The following NHLRC2 variants were observed in gnomAD, a reference collection of about 807,000 sequenced individuals.
NHLRC2 encodes NHL repeat-containing protein 2.
In NHLRC2, 33 loss-of-function variants were observed where a neutral mutation model predicts 68.1. That is an observed-to-expected ratio of 0.48 (90% CI 0.37 to 0.65). The LOEUF is 0.65. NHLRC2 is among the 30% of genes least tolerant of loss of function. The pLI, the probability that NHLRC2 is intolerant of heterozygous loss-of-function variation, is 0.00. For synonymous variants in NHLRC2, 311 were observed against 309.6 expected, an observed-to-expected ratio of 1.00 and a Z score of -0.05; for missense variants, 761 against 853.8, an observed-to-expected ratio of 0.89 and a Z score of 1.35.
chr10:113,900,461 G>A (rs986525845), intron 6 of NHLRC2, among the ~76,000 whole-genome samples: 5 of 152,166 alleles, frequency 3.3e-5, no homozygotes, highest in Non-Finnish European at 5.9e-5. Context: ...CATAAGTAGA[G>A]TTGTCACTCT....
At chr10:113,877,148 C>T (rs1182462361) in intron 3 of NHLRC2, among the ~76,000 whole-genome samples, 172 bp downstream of exon 3, 1 of 151,772 alleles carries the variant, frequency 6.6e-6, no homozygotes, top group African/African-American at 2.4e-5. Context: ...TCTGAATTAA[C>T]CTCTTCTCAC....
intron 4 of NHLRC2, among the ~76,000 whole-genome samples, chr10:113,881,060 G>C (rs1318144901): frequency 6.6e-6 from 1 of 151,746 alleles, no homozygotes; most frequent in Admixed American, 6.6e-5. Flanking sequence ...GTATATTTTA[G>C]GGAAAAGTGG....
intron 5 of NHLRC2, among the ~76,000 whole-genome samples, chr10:113,886,608 A>G (rs1448202671): frequency 6.6e-6 from 1 of 152,364 alleles, no homozygotes; most frequent in Non-Finnish European, 1.5e-5. Flanking sequence ...ATTTTCAACA[A>G]AAGTGCCAAG....
chr10:113,897,885 T>C (rs1846190097), intron 5 of NHLRC2, among the ~76,000 whole-genome samples: 1 of 152,270 alleles, frequency 6.6e-6, no homozygotes, highest in Non-Finnish European at 1.5e-5. Context: ...AAGAATACTT[T>C]GGATTCCTGT....
chr10:113,873,910 C>G (rs1294020031), intron 2 of NHLRC2, among the ~76,000 whole-genome samples: 1 of 152,072 alleles, frequency 6.6e-6, no homozygotes, highest in East Asian at 1.9e-4. Flanking sequence ...TACTTTTAGT[C>G]TTTCTGATTC....
chr10:113,892,280 A>T (rs1036266159), intron 5 of NHLRC2, among the ~76,000 whole-genome samples: 2 of 152,158 alleles, frequency 1.3e-5, no homozygotes, highest in Admixed American at 6.5e-5. Context: ...ATCTCTACTG[A>T]TAATTATGAG....
chr10:113,875,679 G>A (rs924231299), intron 2 of NHLRC2, among the ~76,000 whole-genome samples: 3 of 152,166 alleles, frequency 2.0e-5, no homozygotes, highest in Non-Finnish European at 4.4e-5. Context: ...TCTTCAAGCA[G>A]GGTGTGTCTT....
chr10:113,886,645 G>A (rs368182165), intron 5 of NHLRC2, among the ~76,000 whole-genome samples: 3 of 152,132 alleles, frequency 2.0e-5, no homozygotes. Flanking sequence ...AGGACAATTC[G>A]TTCCATAAAT....
rs1442705962 is a variant in NHLRC2, at chr10:113,876,957, A to C, written c.768A>C (p.Gln256His). ...TTTTGGTCGTTTGGAAGAATGGACAAATTCAATATAGCATTGGAGGTAAAA... is the reference window on the plus strand; with the variant it reads ...TTTTGGTCGTTTGGAAGAATGGACACATTCAATATAGCATTGGAGGTAAAA... ...HRILVVWKNG[Q>H]IQYSIGGPNP... The change falls in exon 3 of 11, where the codon CAA (glutamine) becomes CAC (histidine). Residue 256 changes from glutamine to histidine, a missense_variant. Gln to His is a conservative substitution (Grantham distance 24). Transcript: ENST00000369301. 1 of 1,594,280 alleles carries C rather than the reference A, an allele frequency of 6.3e-7. No individual in the cohort carries two copies. Among genetic ancestry groups the C allele is most frequent in the African/African-American group, 1.3e-5 (1 of 74,136 alleles).
chr10:113,865,915 C>G (rs927504576), intron 2 of NHLRC2, among the ~76,000 whole-genome samples: 11 of 152,120 alleles, frequency 7.2e-5, no homozygotes, highest in African/African-American at 2.7e-4. Context: ...ATATCTTCTC[C>G]CATTACTATT....
chr10:113,896,202 A>T (rs1334766399), intron 5 of NHLRC2, among the ~76,000 whole-genome samples: 1 of 152,112 alleles, frequency 6.6e-6, no homozygotes, highest in East Asian at 1.9e-4. Flanking sequence ...TGCTACTATA[A>T]AGACACATGC....
chr10:113,873,014 T>C (rs1167438979), intron 2 of NHLRC2, among the ~76,000 whole-genome samples: 1 of 152,134 alleles, frequency 6.6e-6, no homozygotes, highest in Non-Finnish European at 1.5e-5. Flanking sequence ...CTAGTAAAAT[T>C]ATTATACTTT....
At chr10:113,885,699 G>T (rs908120709) in intron 5 of NHLRC2, among the ~76,000 whole-genome samples, 4 of 151,948 alleles carry the variant, frequency 2.6e-5, no homozygotes, top group African/African-American at 9.7e-5. Flanking sequence ...GATATTTTGA[G>T]TGATAAAAGA....
chr10:113,904,269 G>C (rs1846254390), intron 9 of NHLRC2, among the ~76,000 whole-genome samples: 1 of 151,878 alleles, frequency 6.6e-6, no homozygotes, highest in African/African-American at 2.4e-5. Flanking sequence ...TAAAGATATG[G>C]ACGTGGTTTC....
chr10:113,862,169 G>A (rs895394933), intron 2 of NHLRC2, among the ~76,000 whole-genome samples: 6 of 152,078 alleles, frequency 3.9e-5, no homozygotes, highest in African/African-American at 1.4e-4. Context: ...ATGAGCCACC[G>A]AGCCCGGCCT....
chr10:113,856,391 A>C (rs1234507039), intron 1 of NHLRC2, among the ~76,000 whole-genome samples: 5 of 152,198 alleles, frequency 3.3e-5, no homozygotes, highest in Admixed American at 6.5e-5. Context: ...ACTCACCTTG[A>C]GAAGTGCTTA....
intron 5 of NHLRC2, among the ~76,000 whole-genome samples, chr10:113,886,429 A>C (rs1846083103): frequency 6.6e-6 from 1 of 152,190 alleles, no homozygotes; most frequent in African/African-American, 2.4e-5. Context: ...CTGAATAGCC[A>C]AAACAGTCTT....
intron 2 of NHLRC2, among the ~76,000 whole-genome samples, chr10:113,863,125 C>G (rs1290208116): frequency 6.6e-6 from 1 of 151,872 alleles, no homozygotes; most frequent in Non-Finnish European, 1.5e-5. Flanking sequence ...AGAATTATAC[C>G]CAATATATAC....
Position 113,903,365 on chromosome 10 carries a change from G to A in NHLRC2, c.1495-162G>A, listed in dbSNP as rs944656145. ...TCTCCCCTTAGACTGCAATTTGAAT[G>A]TTTGGCTTTTCAAGAAAATATGGAA... On this transcript the variant is annotated intron_variant, in intron 8 of 10. Transcript: ENST00000369301. Among the ~76,000 whole-genome samples, 17 of 152,276 alleles carry A rather than the reference G, an allele frequency of 1.1e-4. No homozygotes were observed. In the South Asian group the frequency reaches 1.4e-3, roughly 13 times the overall value.
Sources: gnomAD v4.1 joint callset for allele counts (sites outside exome capture counted in the v4.1 genomes callset) on GRCh38, gnomAD v4.1.1 for gene constraint, MANE v1.5 for transcripts, NCBI Gene and HGNC (gene_info 2026-07-23, HGNC 2026-07-21) for gene names.